Variants in ARSG observed in about 807,000 individuals in gnomAD.
ARSG encodes arylsulfatase G, also known as ASG.
Under a neutral mutation model 50.5 loss-of-function variants are expected in ARSG, and 37 were observed. That is an observed-to-expected ratio of 0.73 (90% CI 0.56 to 0.96). The LOEUF (loss-of-function observed/expected upper bound fraction) is 0.96, where lower values mean the gene tolerates loss of function less well. Ranked by LOEUF, ARSG falls within the 50% of genes least tolerant of loss-of-function variation. The pLI is 0.00. For missense variants in ARSG, 629 were observed against 675.3 expected (o/e 0.93, Z 0.76); for synonymous variants, 225 against 254.6 (o/e 0.88, Z 1.11).
At position 68,271,390 on chromosome 17, in the gene ARSG, A is replaced by G. The variant is rs200168065; in HGVS notation, c.-552+11964A>G. 93 of 1,613,664 alleles carry G rather than the reference A, an allele frequency of 5.8e-5. No individual in the cohort carries two copies. Among genetic ancestry groups the G allele is most frequent in the Admixed American group, 2.0e-4 (12 of 60,024 alleles). On this transcript the variant is annotated intron_variant, in intron 1 of 11. Coordinates refer to the ARSG transcript ENST00000448504. The surrounding 1 kb of genome is among the most constrained non-coding windows in gnomAD (Gnocchi z 5.3). ...CATGTCGGCCTTCGGCTCCAGTTCC[A>G]GGTTAGTGTGAGTAGGCACATTTTT...
At chr17:68,449,452 C>T in the ARSG span, among the ~76,000 whole-genome samples, 1 of 152,172 alleles carries the variant, frequency 6.6e-6, no homozygotes, top group African/African-American at 2.4e-5. Flanking sequence ...TGGGGAAACA[C>T]TGTAATATGA....
chr17:68,294,135 C>T lies in ARSG; in HGVS notation c.-552+2567C>T, dbSNP rs141614178. 5.3e-5 allele frequency among the ~76,000 whole-genome samples: 8 copies of T among 152,270 alleles called. No homozygotes were observed. The East Asian group carries it at 1.5e-3, about 29-fold the overall frequency. ...GGCTCAGCTCCCCTCTTAGCCTCTC[C>T]TGTTGTGTCTGCCTGATCCCAAGTG... On this transcript the variant is annotated intron_variant, in intron 1 of 11. Transcript: ENST00000621439.
chr17:68,312,567 A>G (rs7216378), intron 2 of ARSG, among the ~76,000 whole-genome samples: 104,360 of 151,476 alleles, frequency 0.69, 38,569 homozygotes, highest in Non-Finnish European at 0.83. Flanking sequence ...AGCAGAAAGG[A>G]GGACTCAGGG....
intron 11 of ARSG, among the ~76,000 whole-genome samples, chr17:68,419,017 C>CAAAAAAAAA (rs3072871): frequency 8.9e-6 from 1 of 112,960 alleles, no homozygotes; most frequent in Non-Finnish European, 1.9e-5. Context: ...ATAGCAAAGC[C>CAAAAAAAAA]AAAAAAAAAA....
intron 2 of ARSG, among the ~76,000 whole-genome samples, chr17:68,325,598 A>G (rs1393192982): frequency 6.6e-6 from 1 of 152,084 alleles, no homozygotes; most frequent in Non-Finnish European, 1.5e-5. Context: ...TCTGGTTGTA[A>G]GTGACGGAAA....
At chr17:68,428,230 T>G in the ARSG span, 1 of 146,386 alleles carries the variant, frequency 6.8e-6, no homozygotes, top group Non-Finnish European at 1.5e-5. Flanking sequence ...GGGAATAGGT[T>G]TTTTTTTTTT....
chr17:68,273,436 G>T (rs1341240375), intron 1 of ARSG, among the ~76,000 whole-genome samples: 1 of 152,030 alleles, frequency 6.6e-6, no homozygotes, highest in Non-Finnish European at 1.5e-5. Flanking sequence ...GCCCCAGTTG[G>T]TCTCAAACTG....
chr17:68,312,623 C>G (rs186661880), intron 2 of ARSG, among the ~76,000 whole-genome samples: 5 of 152,284 alleles, frequency 3.3e-5, no homozygotes, highest in East Asian at 1.9e-4. Flanking sequence ...CTCCCCACCC[C>G]CTTATGAAAG....
chr17:68,388,085 T>C (rs11657775), intron 9 of ARSG, among the ~76,000 whole-genome samples: 7,656 of 152,230 alleles, frequency 0.05, 408 homozygotes, highest in East Asian at 0.23. Flanking sequence ...TGTCCAACTA[T>C]GGGTCAATCA....
intron 2 of ARSG, among the ~76,000 whole-genome samples, chr17:68,330,714 G>A (rs17739110): frequency 0.19 from 29,273 of 151,952 alleles, 3,557 homozygotes; most frequent in Non-Finnish European, 0.25. Context: ...ACATGGGAGC[G>A]CTGTCTGGGG....
intron 1 of ARSG, among the ~76,000 whole-genome samples, chr17:68,279,001 G>A (rs1309583319): frequency 1.3e-5 from 2 of 152,004 alleles, no homozygotes; most frequent in Non-Finnish European, 2.9e-5. Context: ...TACAAATCTT[G>A]GTATTGTACA....
intron 6 of ARSG, 146 bp downstream of exon 6, chr17:68,356,950 G>A (rs1415801274): frequency 2.0e-6 from 2 of 1,015,852 alleles, no homozygotes; most frequent in South Asian, 1.6e-5. Flanking sequence ...TCTCCTATAA[G>A]TAAAGCTGGA....
Position 68,330,768 on chromosome 17 carries a change from T to C in ARSG, c.219-12836T>C, listed in dbSNP as rs969902936. Among the ~76,000 whole-genome samples the C allele has an allele frequency of 2.2e-4, 33 of 151,972 alleles. No homozygotes were observed. The East Asian group carries it at 5.6e-3, about 26-fold the overall frequency. On this transcript the variant is annotated intron_variant, in intron 2 of 11. Transcript: ENST00000621439. ...GTTTTCTCCTGGCCTGGGAAGCCCA[T>C]TGGGCTGAGAGATTTAAGACAAGGC...
Position 68,343,585 on chromosome 17 carries a change from C to T in ARSG, c.219-19C>T. The T allele has an allele frequency of 1.9e-6, 3 of 1,594,238 alleles. No homozygotes were observed. The highest frequency in any genetic ancestry group is 2.6e-6 in the Non-Finnish European group (3 of 1,168,084). On this transcript the variant is annotated intron_variant, in intron 2 of 11. Coordinates refer to ENST00000621439, the MANE Select transcript of ARSG (RefSeq NM_001267727.2). ...TTCCTGTGGTTGGTGCGGTCCTGAC[C>T]ACTGTCCTTTCCCTGCAGGTTTGTG...
intron 1 of ARSG, among the ~76,000 whole-genome samples, chr17:68,286,403 A>G (rs2075843174): frequency 6.6e-6 from 1 of 152,208 alleles, no homozygotes. Flanking sequence ...TAAAATCGGG[A>G]AACTGATCCC....
downstream of ARSG, chr17:68,425,800 G>T: frequency 2.8e-6 from 1 of 360,168 alleles, no homozygotes; most frequent in Middle Eastern, 8.0e-4. Flanking sequence ...GTAAGGGATC[G>T]CAGGCCTCTG....
chr17:68,350,715 G>A (rs2078719400), intron 4 of ARSG, among the ~76,000 whole-genome samples: 1 of 152,110 alleles, frequency 6.6e-6, no homozygotes, highest in South Asian at 2.1e-4. Flanking sequence ...AACCTGGGAG[G>A]CGGAGCTTGC....
intron 10 of ARSG, among the ~76,000 whole-genome samples, chr17:68,397,367 G>C (rs2147178128): frequency 6.6e-6 from 1 of 152,268 alleles, no homozygotes; most frequent in South Asian, 2.1e-4. Flanking sequence ...TATCTTCAAG[G>C]TTAAGAGCAC....
At chr17:68,330,586 TG>T (rs2077687626) in intron 2 of ARSG, among the ~76,000 whole-genome samples, 2 of 151,694 alleles carry the variant, frequency 1.3e-5, no homozygotes, top group South Asian at 4.2e-4. Flanking sequence ...AGTGACAGGG[TG>T]GGGGGTGCTA....
Sources: gnomAD v4.1 joint callset for allele counts (sites outside exome capture counted in the v4.1 genomes callset) on GRCh38, gnomAD v4.1.1 for gene constraint, Gnocchi (gnomAD v3.1) non-coding constraint, MANE v1.5 for transcripts, NCBI Gene and HGNC (gene_info 2026-07-23, HGNC 2026-07-21) for gene names.